The following NUP133 variants were observed in gnomAD, a reference collection of about 807,000 sequenced individuals.
NUP133 encodes the protein nuclear pore complex protein Nup133.
In NUP133, 66 loss-of-function variants were observed where a neutral mutation model predicts 146.2. The ratio of observed to expected loss-of-function variants is 0.45; its 90% CI spans 0.37 to 0.55. NUP133 has a LOEUF of 0.55. NUP133 is among the 20% of genes least tolerant of loss of function. The pLI is 0.00. For missense variants in NUP133, 1,277 were observed against 1,374.8 expected (o/e 0.93, Z 1.12); for synonymous variants, 521 against 498.8 (o/e 1.04, Z -0.59).
At position 229,484,129 on chromosome 1, in the gene NUP133, G is replaced by C. The variant is rs909505723; in HGVS notation, c.1517C>G (p.Thr506Ser). The change falls in exon 12 of 26, where the codon ACC (threonine) becomes AGC (serine). Residue 506 changes from threonine (T) to serine (S), a missense_variant. Thr to Ser is a moderately conservative substitution (Grantham distance 58). This residue lies in a region of NUP133 where 952 missense variants were observed against 1,047.0 expected (regional missense o/e 0.91). Transcript: ENST00000261396. The part of the protein sequence containing the change: ...GPNSESMIFE[T>S]TTKNETIAQE... ...GGCTATAGTTTCATTCTTTGTAGTGGTCTCAAAAATCATACTCTGCAAAAT... is the reference window on the plus strand; with the variant it reads ...GGCTATAGTTTCATTCTTTGTAGTGCTCTCAAAAATCATACTCTGCAAAAT... The C allele has an allele frequency of 6.2e-7, 1 of 1,611,956 alleles. No individual in the cohort carries two copies. Among genetic ancestry groups the C allele is most frequent in the Non-Finnish European group, 8.5e-7 (1 of 1,178,688 alleles).
chr1:229,507,503 C>G (rs1189224053), intron 1 of NUP133, among the ~76,000 whole-genome samples: 13 of 151,828 alleles, frequency 8.6e-5, no homozygotes, highest in Middle Eastern at 6.8e-3. Flanking sequence ...ACTAAACTAT[C>G]ACAGTACTCT....
chr1:229,465,892 C>CAAAAAAAAAAA (rs71561801), intron 16 of NUP133, among the ~76,000 whole-genome samples: 1 of 77,232 alleles, frequency 1.3e-5, no homozygotes, highest in Non-Finnish European at 2.8e-5. Flanking sequence ...CCATGTCTCA[C>CAAAAAAAAAAA]AAAAAAAAAA....
intron 21 of NUP133, among the ~76,000 whole-genome samples, chr1:229,456,144 C>T (rs998890038): frequency 1.3e-5 from 2 of 152,188 alleles, no homozygotes; most frequent in African/African-American, 2.4e-5. Flanking sequence ...ACAGGACACA[C>T]GTGATGGTAG....
At chr1:229,452,040 C>T (rs1660461045) in intron 22 of NUP133, among the ~76,000 whole-genome samples, 1 of 152,116 alleles carries the variant, frequency 6.6e-6, no homozygotes, top group Non-Finnish European at 1.5e-5. Flanking sequence ...TAAGGTGATC[C>T]TACATCACTC....
chr1:229,498,666 G>A (rs544919037), intron 5 of NUP133, among the ~76,000 whole-genome samples: 1 of 151,026 alleles, frequency 6.6e-6, no homozygotes, highest in East Asian at 2.0e-4. Context: ...AGAGGCACAA[G>A]AATTGCTTGA....
intron 8 of NUP133, among the ~76,000 whole-genome samples, chr1:229,494,471 TA>T (rs1323246920): frequency 6.6e-6 from 1 of 152,230 alleles, no homozygotes; most frequent in Non-Finnish European, 1.5e-5. Flanking sequence ...AAAATTACTC[TA>T]AAACTCATAA....
At chr1:229,474,466 TAA>T (rs141896797) in intron 14 of NUP133, among the ~76,000 whole-genome samples, 2,021 of 151,666 alleles carry the variant, frequency 0.013, 16 homozygotes, top group Non-Finnish European at 0.022. Context: ...GCCAAGAAAA[TAA>T]AAGAGTAGAC....
intron 8 of NUP133, among the ~76,000 whole-genome samples, chr1:229,494,855 C>T (rs1244702187): frequency 1.3e-5 from 2 of 152,188 alleles, no homozygotes; most frequent in East Asian, 3.8e-4. Context: ...AGAAAGATCA[C>T]AGCATGGGGC....
intron 24 of NUP133, among the ~76,000 whole-genome samples, chr1:229,447,963 AGCCAAAACCC>A (rs978582749): frequency 2.6e-4 from 39 of 152,292 alleles, no homozygotes; most frequent in South Asian, 4.1e-4. Flanking sequence ...TAAAGAAGCC[AGCCAAAACCC>A]GCCAAAACCC....
intron 1 of NUP133, 125 bp from the exon 2 acceptor site, chr1:229,506,283 A>C (rs1488591931): frequency 2.0e-6 from 1 of 498,310 alleles, no homozygotes; most frequent in Non-Finnish European, 3.6e-6. Flanking sequence ...CATATTTACC[A>C]TGTAATTAAA....
intron 16 of NUP133, 71 bp downstream of exon 16, chr1:229,466,563 A>G: frequency 3.2e-6 from 5 of 1,552,308 alleles, no homozygotes; most frequent in Non-Finnish European, 4.4e-6. Flanking sequence ...GAGTAGGAAC[A>G]TGGAAACCAG....
intron 8 of NUP133, among the ~76,000 whole-genome samples, chr1:229,492,982 T>C (rs1289849880): frequency 1.3e-5 from 2 of 152,132 alleles, no homozygotes; most frequent in African/African-American, 4.8e-5. Flanking sequence ...ATGTTGGCAG[T>C]GTCTCTCTCT....
At chr1:229,444,683 C>T (rs1660263941) in intron 25 of NUP133, among the ~76,000 whole-genome samples, 1 of 151,546 alleles carries the variant, frequency 6.6e-6, no homozygotes, top group South Asian at 2.1e-4. Context: ...CCTGCTTTTA[C>T]TAAAAATACA....
Position 229,465,476 on chromosome 1 carries a change from G to C in NUP133, c.2243C>G (p.Ser748Cys). The C allele has an allele frequency of 6.2e-7, 1 of 1,613,890 alleles. No individual in the cohort carries two copies. The highest frequency in any genetic ancestry group is 8.5e-7 in the Non-Finnish European group (1 of 1,179,900). The change falls in exon 17 of 26, where the codon TCT becomes TGT. Residue 748 changes from serine to cysteine, a missense_variant. This residue lies in a region of NUP133 where 952 missense variants were observed against 1,047.0 expected (regional missense o/e 0.91). Transcript: ENST00000261396. ...TAGTGATTCTTCTCTTCTATACAAA[G>C]AGTTTCTATTTTGGCGATAATGACT... ...AASHYRQNRN[S>C]LYRREESLEK...
chr1:229,498,470 C>T (rs1175325722), intron 5 of NUP133, among the ~76,000 whole-genome samples, 164 bp from the exon 6 acceptor site: 1 of 152,112 alleles, frequency 6.6e-6, no homozygotes, highest in Non-Finnish European at 1.5e-5. Context: ...AGAATCCATT[C>T]AGTTAATATT....
chr1:229,446,270 G>A (rs1056985660), intron 24 of NUP133, among the ~76,000 whole-genome samples: 5 of 152,224 alleles, frequency 3.3e-5, no homozygotes, highest in East Asian at 1.9e-4. Context: ...TTAGCTGGGC[G>A]TGGTGGCGCA....
intron 4 of NUP133, among the ~76,000 whole-genome samples, 176 bp downstream of exon 4, chr1:229,500,580 C>T (rs1661771440): frequency 6.6e-6 from 1 of 152,174 alleles, no homozygotes. Flanking sequence ...GGATCTATAA[C>T]TGTATTCTCT....
At chr1:229,450,434 AATTC>A in intron 23 of NUP133, 87 bp downstream of exon 23, 1 of 619,124 alleles carries the variant, frequency 1.6e-6, no homozygotes, top group South Asian at 2.5e-5. Flanking sequence ...TTTTTTGCTT[AATTC>A]ATTTTCATGA....
chr1:229,506,821 TA>T (rs373882093), intron 1 of NUP133, among the ~76,000 whole-genome samples: 97 of 131,236 alleles, frequency 7.4e-4, no homozygotes, highest in African/African-American at 1.7e-3. Context: ...CCTGTCTCTT[TA>T]AAAAAAAAAA....
Sources: gnomAD v4.1 joint callset for allele counts (sites outside exome capture counted in the v4.1 genomes callset) on GRCh38, gnomAD v4.1.1 for gene constraint, gnomAD v4.1.1 regional missense constraint, MANE v1.5 for transcripts, NCBI Gene and HGNC (gene_info 2026-07-23, HGNC 2026-07-21) for gene names.